MIPOL1: variants seen among roughly 807,000 people sequenced by gnomAD.
MIPOL1 encodes mirror-image polydactyly 1, also known as mirror-image polydactyly gene 1 protein.
MIPOL1 carries 57 observed loss-of-function variants against 60.9 expected under a neutral mutation model. The observed-to-expected ratio is 0.94, with a 90% CI of 0.76 to 1.17. The LOEUF (loss-of-function observed/expected upper bound fraction) is 1.17. Ranked by LOEUF, MIPOL1 falls within the 50% of genes most tolerant of loss-of-function variation. MIPOL1 has a pLI of 0.00. For missense variants in MIPOL1, 551 were observed against 511.6 expected (o/e 1.08, Z -0.74); for synonymous variants, 179 against 168.8 (o/e 1.06, Z -0.47).
chr14:37,378,368 A>G (rs2092833151), intron 10 of MIPOL1, among the ~76,000 whole-genome samples: 1 of 152,068 alleles, frequency 6.6e-6, no homozygotes, highest in Non-Finnish European at 1.5e-5. Flanking sequence ...TGATACACCC[A>G]TGACTCAGAT....
In MIPOL1 at chr14:37,346,260, C is replaced by T. The variant is rs572690940; in HGVS notation, c.829-23257C>T. Among the ~76,000 whole-genome samples the T allele has an allele frequency of 2.7e-3, 416 of 152,182 alleles. 1 individual carries two copies. Among genetic ancestry groups the T allele is most frequent in the Admixed American group, 4.6e-3 (70 of 15,284 alleles). On this transcript the variant is annotated intron_variant, in intron 9 of 12. Coordinates refer to ENST00000684589, the MANE Select transcript of MIPOL1 (RefSeq NM_001388067.1). Reference sequence around the variant, plus strand: ...AGGAGAATTGCTTGAACCCAGGAGGCGAAGGTTATAGTGAGCTGAGATCGT... The same window carrying T: ...AGGAGAATTGCTTGAACCCAGGAGGTGAAGGTTATAGTGAGCTGAGATCGT...
At chr14:37,336,197 C>G (rs115251819) in intron 9 of MIPOL1, among the ~76,000 whole-genome samples, 2 of 148,004 alleles carry the variant, frequency 1.4e-5, no homozygotes, top group African/African-American at 5.0e-5. Context: ...GGTTTTGGTA[C>G]CTTTATCAAA....
intron 9 of MIPOL1, among the ~76,000 whole-genome samples, chr14:37,332,554 A>G (rs752547791): frequency 5.8e-4 from 89 of 152,340 alleles, no homozygotes; most frequent in South Asian, 1.7e-3. Flanking sequence ...ATTATATACT[A>G]TATTCTTAAA....
At chr14:37,278,889 A>G (rs1314560170) in intron 6 of MIPOL1, 1 of 151,810 alleles carries the variant, frequency 6.6e-6, no homozygotes, top group East Asian at 1.9e-4. Flanking sequence ...GCTTCTTCAT[A>G]TTTACTCTTG....
intron 12 of MIPOL1, among the ~76,000 whole-genome samples, chr14:37,517,842 G>T (rs1013200710): frequency 3.3e-5 from 5 of 152,148 alleles, no homozygotes; most frequent in African/African-American, 9.6e-5. Context: ...AAACTAAAAT[G>T]ATTACCTTTG....
At chr14:37,243,446 C>G (rs1484474817) in intron 1 of MIPOL1, among the ~76,000 whole-genome samples, 1 of 152,136 alleles carries the variant, frequency 6.6e-6, no homozygotes, top group Non-Finnish European at 1.5e-5. Flanking sequence ...TCTGAAATAG[C>G]GTGCTTTCCT....
intron 10 of MIPOL1, among the ~76,000 whole-genome samples, chr14:37,375,837 T>C (rs940566826): frequency 6.6e-6 from 1 of 152,054 alleles, no homozygotes; most frequent in Admixed American, 6.6e-5. Flanking sequence ...TTCTCCTGCC[T>C]CAGCTTGCCA....
intron 7 of MIPOL1, among the ~76,000 whole-genome samples, chr14:37,300,000 G>T (rs922264741): frequency 3.9e-5 from 6 of 151,974 alleles, no homozygotes; most frequent in Non-Finnish European, 5.9e-5. Context: ...GTTATGTTGG[G>T]TTTATGAGAT....
intron 12 of MIPOL1, among the ~76,000 whole-genome samples, chr14:37,512,871 G>A (rs2095339717): frequency 1.3e-5 from 2 of 152,044 alleles, no homozygotes; most frequent in South Asian, 4.1e-4. Flanking sequence ...AGTGGGAGGA[G>A]ACCTAAAACT....
intron 12 of MIPOL1, among the ~76,000 whole-genome samples, chr14:37,531,452 A>T (rs1347101603): frequency 6.6e-6 from 1 of 152,126 alleles, no homozygotes; most frequent in Non-Finnish European, 1.5e-5. Context: ...TGAAATAATA[A>T]ATGAACAAAA....
chr14:37,540,505 T>A (rs1385070271), intron 12 of MIPOL1, among the ~76,000 whole-genome samples: 1 of 152,206 alleles, frequency 6.6e-6, no homozygotes, highest in Admixed American at 6.5e-5. Flanking sequence ...TGGCTAAAAC[T>A]GAGCAAGAAG....
chr14:37,419,503 A>G (rs1408571147), intron 10 of MIPOL1, among the ~76,000 whole-genome samples: 1 of 152,220 alleles, frequency 6.6e-6, no homozygotes, highest in African/African-American at 2.4e-5. Flanking sequence ...TAAGTCTGAC[A>G]TTGAAAAATC....
At chr14:37,469,608 A>G (rs1392669684) in intron 11 of MIPOL1, among the ~76,000 whole-genome samples, 1 of 152,174 alleles carries the variant, frequency 6.6e-6, no homozygotes. Context: ...TATGGTTTGA[A>G]TGTGTCCCCC....
chr14:37,255,970 T>G (rs1311588825), intron 3 of MIPOL1, among the ~76,000 whole-genome samples: 1 of 151,828 alleles, frequency 6.6e-6, no homozygotes, highest in Non-Finnish European at 1.5e-5. Flanking sequence ...ATTATACTTG[T>G]GTAGAAACAA....
chr14:37,540,411 G>C (rs866594470), intron 12 of MIPOL1, among the ~76,000 whole-genome samples: 7 of 152,138 alleles, frequency 4.6e-5, no homozygotes, highest in Non-Finnish European at 7.4e-5. Context: ...CGTAGTGTCT[G>C]TATATATTCA....
At chr14:37,451,158 G>C (rs2094411301) in intron 11 of MIPOL1, among the ~76,000 whole-genome samples, 2 of 152,150 alleles carry the variant, frequency 1.3e-5, no homozygotes, top group Admixed American at 1.3e-4. Flanking sequence ...TTTCTATGGA[G>C]TTATTGACAC....
chr14:37,249,813 T>C (rs537215579), intron 3 of MIPOL1, among the ~76,000 whole-genome samples: 1 of 151,604 alleles, frequency 6.6e-6, no homozygotes, highest in South Asian at 2.1e-4. Flanking sequence ...TTTTACTCAA[T>C]TGATGTTAAA....
intron 1 of MIPOL1, among the ~76,000 whole-genome samples, chr14:37,241,780 C>T (rs1972405997): frequency 6.6e-6 from 1 of 152,104 alleles, no homozygotes; most frequent in African/African-American, 2.4e-5. Context: ...AATTTAGACT[C>T]CTGAATTCTG....
At chr14:37,405,747 G>T (rs1409343536) in intron 10 of MIPOL1, among the ~76,000 whole-genome samples, 1 of 151,578 alleles carries the variant, frequency 6.6e-6, no homozygotes, top group Non-Finnish European at 1.5e-5. Context: ...CTTTCATATA[G>T]CCTTGATTAT....
Sources: allele counts gnomAD v4.1 joint callset (sites outside exome capture counted in the v4.1 genomes callset), GRCh38; gene constraint gnomAD v4.1.1; transcripts MANE v1.5; gene names NCBI Gene and HGNC (gene_info 2026-07-23, HGNC 2026-07-21).